Variants in USH2A observed in about 807,000 individuals in gnomAD.
The protein encoded by USH2A is Usher syndrome 2A (autosomal recessive, mild).
A neutral mutation model predicts 538.9 loss-of-function variants in USH2A; 443 were observed. The observed-to-expected ratio is 0.82, with a 90% CI of 0.76 to 0.89. USH2A has a LOEUF of 0.89. Among genes scored for constraint, USH2A ranks in the 40% least tolerant of loss-of-function variants. USH2A has a pLI of 0.00. For synonymous variants in USH2A, 2,413 were observed against 2,273.5 expected (o/e 1.06, Z -1.75); for missense variants, 6,633 against 6,324.8 (o/e 1.05, Z -1.65).
chr1:215,997,929 G>A (rs180752995), intron 34 of USH2A, among the ~76,000 whole-genome samples: 83 of 152,140 alleles, frequency 5.5e-4, no homozygotes, highest in Admixed American at 5.4e-3. Flanking sequence ...TTTAACCACT[G>A]TCTGATTGCC....
At chr1:215,744,484 T>C (rs112352166) in intron 58 of USH2A, among the ~76,000 whole-genome samples, 4 of 152,354 alleles carry the variant, frequency 2.6e-5, no homozygotes, top group African/African-American at 9.6e-5. Flanking sequence ...GTCTCCTTGA[T>C]CTGAGAGTTT....
At chr1:216,345,086 C>T (rs992336571) in intron 4 of USH2A, among the ~76,000 whole-genome samples, 11 of 151,996 alleles carry the variant, frequency 7.2e-5, no homozygotes, top group Admixed American at 3.9e-4. Context: ...TGAACTTTTG[C>T]GCAATGGGAG....
chr1:216,413,449 G>C (rs2039526167), intron 3 of USH2A, among the ~76,000 whole-genome samples: 1 of 152,032 alleles, frequency 6.6e-6, no homozygotes, highest in Non-Finnish European at 1.5e-5. Context: ...GAGATTAATT[G>C]AGAGACTTGG....
At chr1:215,915,312 T>A (rs1665923540) in intron 38 of USH2A, among the ~76,000 whole-genome samples, 1 of 152,088 alleles carries the variant, frequency 6.6e-6, no homozygotes, top group Non-Finnish European at 1.5e-5. Flanking sequence ...TCCCTACCTC[T>A]TCCCCATCCA....
chr1:215,831,255 C>T (rs182351678), intron 47 of USH2A, among the ~76,000 whole-genome samples: 2 of 152,232 alleles, frequency 1.3e-5, no homozygotes, highest in East Asian at 3.9e-4. Flanking sequence ...GATAAAGCCA[C>T]AATGACATTT....
chr1:215,876,330 G>C (rs1200241698), intron 43 of USH2A, among the ~76,000 whole-genome samples: 2 of 152,228 alleles, frequency 1.3e-5, no homozygotes, highest in East Asian at 3.9e-4. Flanking sequence ...GCCTCTCTCT[G>C]AGAATCTTAC....
At position 216,284,468 on chromosome 1, in the gene USH2A, A is replaced by G. The variant is rs902171203; in HGVS notation, c.1971+4812T>C. Among the ~76,000 whole-genome samples the G allele has an allele frequency of 5.3e-5, 8 of 152,172 alleles. No individual in the cohort carries two copies. In the South Asian group the frequency reaches 6.2e-4, roughly 12 times the overall value. On this transcript the variant is annotated intron_variant, in intron 11 of 71. Transcript: ENST00000307340. The stretch of plus-strand genomic sequence containing the variant: ...TTCTGCCATGATTGTAAGTTTACTG[A>G]GGCCTCCCCCGCCCTGAGGAACTAT...
chr1:216,017,604 T>C (rs1452023815), intron 32 of USH2A, among the ~76,000 whole-genome samples: 3 of 152,166 alleles, frequency 2.0e-5, no homozygotes, highest in Admixed American at 2.0e-4. Context: ...AAGTTAATAA[T>C]GAGACATAAT....
At chr1:215,638,977 C>CA (rs1334256899) in intron 69 of USH2A, among the ~76,000 whole-genome samples, 178 bp downstream of exon 69, 51 of 110,750 alleles carry the variant, frequency 4.6e-4, no homozygotes, top group Admixed American at 4.0e-3. Context: ...GACTCCGTCT[C>CA]AAAAAAAAAC....
At chr1:216,334,851 A>C (rs984342042) in intron 4 of USH2A, among the ~76,000 whole-genome samples, 1 of 151,974 alleles carries the variant, frequency 6.6e-6, no homozygotes, top group South Asian at 2.1e-4. Context: ...TTTAACAACA[A>C]TAGTGGAGAC....
chr1:215,688,574 G>T (rs1658506359), intron 61 of USH2A, among the ~76,000 whole-genome samples: 1 of 152,102 alleles, frequency 6.6e-6, no homozygotes, highest in South Asian at 2.1e-4. Flanking sequence ...AATTCTTGAG[G>T]TTAGAAGTCT....
intron 7 of USH2A, 23 bp downstream of exon 7, chr1:216,324,145 T>C: frequency 6.2e-7 from 1 of 1,607,764 alleles, no homozygotes; most frequent in Non-Finnish European, 8.5e-7. Flanking sequence ...TCTATTAAAT[T>C]AATTGTTTAA....
chr1:215,709,855 C>T (rs1659288160), intron 61 of USH2A, among the ~76,000 whole-genome samples: 1 of 152,122 alleles, frequency 6.6e-6, no homozygotes, highest in Non-Finnish European at 1.5e-5. Flanking sequence ...ACCAGTTACA[C>T]TGTTTCATTT....
chr1:215,847,161 T>C (rs946345375), intron 44 of USH2A, among the ~76,000 whole-genome samples: 1 of 152,202 alleles, frequency 6.6e-6, no homozygotes, highest in African/African-American at 2.4e-5. Flanking sequence ...CTGCTTCTCA[T>C]TATCTGCCCA....
intron 44 of USH2A, among the ~76,000 whole-genome samples, chr1:215,848,682 C>A (rs1484509612): frequency 6.6e-6 from 1 of 152,204 alleles, no homozygotes; most frequent in Non-Finnish European, 1.5e-5. Context: ...TTCTGGGTAA[C>A]AAGTACCGGA....
intron 46 of USH2A, among the ~76,000 whole-genome samples, chr1:215,842,055 G>A (rs1663692266): frequency 6.6e-6 from 1 of 152,154 alleles, no homozygotes; most frequent in Admixed American, 6.5e-5. Context: ...TGGGTGCAGT[G>A]GCTCACACCT....
chr1:216,067,320 C>A (rs2031409469), intron 30 of USH2A, among the ~76,000 whole-genome samples: 1 of 151,682 alleles, frequency 6.6e-6, no homozygotes, highest in Non-Finnish European at 1.5e-5. Context: ...AATGTAGATG[C>A]CGGGTTGATG....
In USH2A at chr1:215,657,927, ATT is replaced by A. The variant is rs59977028; in HGVS notation, c.14134-7128_14134-7127del. Among the ~76,000 whole-genome samples, 615 of 97,752 alleles carry A rather than the reference ATT, an allele frequency of 6.3e-3. 3 individuals carry two copies. The highest frequency in any genetic ancestry group is 0.015 in the East Asian group (50 of 3,242). 64.1% of individuals were successfully genotyped at this position (97,752 alleles called of 152,430 possible). The stretch of plus-strand genomic sequence containing the variant: ...CTGTGAAATACTGAAATTTGCCCTG[ATT>A]TTTTTTTTTTTTTTTTTTGAGACAG... On this transcript the variant is annotated intron_variant, in intron 64 of 71. Transcript: ENST00000307340.
At chr1:215,818,511 T>A (rs2102797802) in intron 47 of USH2A, among the ~76,000 whole-genome samples, 1 of 152,008 alleles carries the variant, frequency 6.6e-6, no homozygotes, top group Non-Finnish European at 1.5e-5. Context: ...TGTCATGTTC[T>A]TAAAGAAAAT....
Sources: allele counts gnomAD v4.1 joint callset (sites outside exome capture counted in the v4.1 genomes callset), GRCh38; gene constraint gnomAD v4.1.1; transcripts MANE v1.5; gene names NCBI Gene and HGNC (gene_info 2026-07-23, HGNC 2026-07-21).